Variants in TRA2B observed in about 807,000 individuals in gnomAD.
The protein encoded by TRA2B is transformer-2 protein homolog beta.
Under a neutral mutation model 41.7 loss-of-function variants are expected in TRA2B, and 14 were observed. The observed-to-expected ratio is 0.34, with a 90% confidence interval of 0.22 to 0.53. The LOEUF is 0.53. Among genes scored for constraint, TRA2B ranks in the 20% least tolerant of loss-of-function variants. TRA2B has a pLI of 0.95. For missense variants in TRA2B, 167 were observed against 396.8 expected (o/e 0.42, Z 4.92); for synonymous variants, 130 against 128.8 (o/e 1.01, Z -0.06).
rs1188676392 is a variant in TRA2B, at chr3:185,936,186, C to A, written c.36+1639G>T. ...AGTATTTTTGAAGAGTAGAAAGGTA[C>A]CCAATAATTGAATTTTTCTGTTTAA... On this transcript the variant is annotated intron_variant, in intron 1 of 8. Transcript: ENST00000453386. 3.0e-6 allele frequency: 3 copies of A among 985,230 alleles called. No individual in the cohort carries two copies. In the South Asian group the frequency reaches 1.4e-4, roughly 46 times the overall value. 61.0% of individuals were successfully genotyped at this position (985,230 alleles called of 1,614,324 possible).
In TRA2B at chr3:185,919,290, A is replaced by T. The variant is rs1213853213; in HGVS notation, c.782+147T>A. 8.8e-6 allele frequency: 5 copies of T among 571,024 alleles called. No homozygotes were observed. In the African/African-American group the frequency reaches 9.5e-5, roughly 11 times the overall value. The allele number at this position is 571,024 out of a possible 1,614,324, so 35.4% of individuals were successfully genotyped here. A position where few individuals can be genotyped will look rare whatever the true frequency, so the allele number is the denominator to read the frequency against. On this transcript the variant is annotated intron_variant, in intron 7 of 8. Transcript: ENST00000453386. The stretch of plus-strand genomic sequence containing the variant: ...TTATAAATATACAAAGACTTTATAC[A>T]TTTAGTTTCCGTTAGAATATTTTCA...
chr3:185,919,824 A>G (rs1163235526), intron 6 of TRA2B, among the ~76,000 whole-genome samples: 1 of 152,162 alleles, frequency 6.6e-6, no homozygotes, highest in Non-Finnish European at 1.5e-5. Context: ...CATGGGTGAT[A>G]AAATGCTGAA....
intron 6 of TRA2B, among the ~76,000 whole-genome samples, chr3:185,919,769 T>A (rs1018599407): frequency 2.0e-5 from 3 of 152,136 alleles, no homozygotes; most frequent in African/African-American, 7.2e-5. Context: ...TTTGTACCTT[T>A]AGTACCATTC....
chr3:185,932,300 A>G (rs1235565186), intron 1 of TRA2B, among the ~76,000 whole-genome samples: 1 of 152,206 alleles, frequency 6.6e-6, no homozygotes, highest in Non-Finnish European at 1.5e-5. Flanking sequence ...AGAGGTTTAC[A>G]GTATTGTGAC....
intron 6 of TRA2B, among the ~76,000 whole-genome samples, chr3:185,920,350 G>A (rs566398607): frequency 4.6e-5 from 7 of 152,242 alleles, no homozygotes; most frequent in South Asian, 4.1e-4. Context: ...CTAAGACAGA[G>A]GCTATAATTT....
chr3:185,936,528 T>C (rs991992164), intron 1 of TRA2B: 3 of 985,362 alleles, frequency 3.0e-6, no homozygotes, highest in African/African-American at 1.7e-5. Context: ...GCTTCATCAC[T>C]GAAAATTTCT....
chr3:185,931,582 G>A (rs1744156119), intron 1 of TRA2B: 6 of 1,251,214 alleles, frequency 4.8e-6, no homozygotes, highest in Admixed American at 4.3e-5. Flanking sequence ...ATTACTTAGC[G>A]TAGTGCTTTC....
At chr3:185,937,700 T>A in intron 1 of TRA2B, 125 bp downstream of exon 1, 1 of 1,362,144 alleles carries the variant, frequency 7.3e-7, no homozygotes, top group South Asian at 1.2e-5. Flanking sequence ...CTCCCTTGCC[T>A]GCCCTCCCGG....
intron 3 of TRA2B, chr3:185,924,841 G>C (rs571391530): frequency 5.3e-5 from 8 of 152,302 alleles, no homozygotes; most frequent in African/African-American, 1.9e-4. Context: ...AAAGAATAAA[G>C]AGTGAGCCAT....
At chr3:185,927,188 AC>A (rs1232918961) in intron 1 of TRA2B, 4 of 152,386 alleles carry the variant, frequency 2.6e-5, no homozygotes, top group African/African-American at 9.6e-5. Context: ...TTTTAAAAAG[AC>A]CTTGACCTTT....
Position 185,916,761 on chromosome 3 carries a change from GTTTA to G in TRA2B, c.*950_*953del, listed in dbSNP as rs1445259227. 1.3e-5 allele frequency: 2 copies of G among 152,540 alleles called. No individual in the cohort carries two copies. Among genetic ancestry groups the G allele is most frequent in the Non-Finnish European group, 2.9e-5 (2 of 68,022 alleles). The allele number at this position is 152,540 out of a possible 1,614,324, so 9.4% of individuals were successfully genotyped here. A position where few individuals can be genotyped will look rare whatever the true frequency, so the allele number is the denominator to read the frequency against. ...CACCAACATTTTTCTTTTCATTTGC[GTTTA>G]TTTAAACACAGTTCTCAAAACATTT... On this transcript the variant is annotated 3_prime_UTR_variant, in exon 9 of 9. Coordinates refer to ENST00000453386, the MANE Select transcript of TRA2B (RefSeq NM_004593.3).
At chr3:185,927,888 A>C (rs148375368) in intron 1 of TRA2B, 2 of 152,368 alleles carry the variant, frequency 1.3e-5, no homozygotes, top group African/African-American at 4.8e-5. Context: ...GGCAACCTTT[A>C]TTTTAGGTTA....
At chr3:185,935,574 G>C (rs921238234) in intron 1 of TRA2B, 7 of 985,302 alleles carry the variant, frequency 7.1e-6, no homozygotes, top group Non-Finnish European at 7.2e-6. Context: ...ATAAATAAGG[G>C]AGAATTCCAC....
intron 7 of TRA2B, 76 bp downstream of exon 7, chr3:185,919,361 C>A: frequency 7.7e-7 from 1 of 1,294,764 alleles, no homozygotes; most frequent in Non-Finnish European, 1.1e-6. Flanking sequence ...TATAATTTAC[C>A]AAAACATTAC....
intron 1 of TRA2B, chr3:185,931,671 C>T: frequency 7.8e-7 from 1 of 1,276,982 alleles, no homozygotes; most frequent in Non-Finnish European, 9.9e-7. Flanking sequence ...TGACTTCTTT[C>T]ATCTTCCCCA....
intron 1 of TRA2B, chr3:185,931,663 A>C: frequency 4.7e-6 from 6 of 1,281,854 alleles, no homozygotes; most frequent in Non-Finnish European, 5.9e-6. Context: ...TCAAATTCTG[A>C]CTTCTTTCAT....
chr3:185,921,169 C>T lies in TRA2B; in HGVS notation c.657G>A (p.Arg219=), dbSNP rs777915334. The change falls in exon 6 of 9, where the codon CGG becomes CGA. Residue 219 remains arginine (R), a synonymous_variant. Transcript: ENST00000453386. Reference sequence around the variant, plus strand: ...GATCATATCCTCTGTCATAGTAATCCCGACGGCGAGAGCTGCCACTATGAA... The same window carrying T: ...GATCATATCCTCTGTCATAGTAATCTCGACGGCGAGAGCTGCCACTATGAA... ...GRPTYGSSRR[R]DYYDRGYDRG... 2.5e-6 allele frequency: 4 copies of T among 1,613,914 alleles called. No individual in the cohort carries two copies. Among genetic ancestry groups the T allele is most frequent in the East Asian group, 2.2e-5 (1 of 44,882 alleles).
chr3:185,917,470 A>T lies in TRA2B; in HGVS notation c.*245T>A. 2 of 464,602 alleles carry T rather than the reference A, an allele frequency of 4.3e-6. No individual in the cohort carries two copies. Among genetic ancestry groups the T allele is most frequent in the Non-Finnish European group, 7.8e-6 (2 of 257,996 alleles). The allele number at this position is 464,602 out of a possible 1,614,324, so 28.8% of individuals were successfully genotyped here. A position where few individuals can be genotyped will look rare whatever the true frequency, so the allele number is the denominator to read the frequency against. On this transcript the variant is annotated 3_prime_UTR_variant, in exon 9 of 9. Coordinates refer to ENST00000453386, the MANE Select transcript of TRA2B (RefSeq NM_004593.3). The stretch of plus-strand genomic sequence containing the variant: ...AGAAACTTCTCAGCAGTCAAAATTT[A>T]GACTGTAAAAAAATACATGCAAAAC...
chr3:185,928,597 T>C (rs1312294413), intron 1 of TRA2B: 1 of 152,152 alleles, frequency 6.6e-6, no homozygotes, highest in Non-Finnish European at 1.5e-5. Context: ...GTTTTTGCTA[T>C]TTTTACCACA....
Sources: allele counts gnomAD v4.1 joint callset (sites outside exome capture counted in the v4.1 genomes callset), GRCh38; gene constraint gnomAD v4.1.1; transcripts MANE v1.5; gene names NCBI Gene and HGNC (gene_info 2026-07-23, HGNC 2026-07-21).